The following CA8 variants were observed in gnomAD, a reference collection of about 807,000 sequenced individuals.
CA8 encodes the protein carbonic anhydrase-related protein.
In CA8, 22 loss-of-function variants were observed where a neutral mutation model predicts 41.4. The ratio of observed to expected loss-of-function variants is 0.53; its 90% CI spans 0.38 to 0.76. The LOEUF is 0.76. Ranked by LOEUF, CA8 falls within the 30% of genes least tolerant of loss-of-function variation. The pLI is 0.00. For missense variants in CA8, 270 were observed against 352.8 expected, an observed-to-expected ratio of 0.77 and a Z score of 1.88; for synonymous variants, 121 against 130.6, an observed-to-expected ratio of 0.93 and a Z score of 0.50.
chr8:60,218,490 A>G (rs1226320289), intron 7 of CA8, among the ~76,000 whole-genome samples: 1 of 152,206 alleles, frequency 6.6e-6, no homozygotes, highest in East Asian at 1.9e-4. Flanking sequence ...ACTCCACATC[A>G]GTCTCAAAGG....
chr8:60,243,713 G>C (rs139639544), intron 3 of CA8, among the ~76,000 whole-genome samples: 70 of 152,282 alleles, frequency 4.6e-4, no homozygotes, highest in Admixed American at 2.0e-4. Flanking sequence ...CTCTGCAGCA[G>C]CCGGTAGCCT....
intron 7 of CA8, among the ~76,000 whole-genome samples, chr8:60,212,905 TCTCA>T (rs1806886394): frequency 1.3e-5 from 2 of 152,204 alleles, no homozygotes; most frequent in South Asian, 4.1e-4. Context: ...AAGTTAGTGC[TCTCA>T]CTTTCTTTTA....
At chr8:60,236,466 C>G (rs1249470372) in intron 3 of CA8, among the ~76,000 whole-genome samples, 5 of 152,060 alleles carry the variant, frequency 3.3e-5, no homozygotes, top group Non-Finnish European at 7.4e-5. Flanking sequence ...AGAACCCTGA[C>G]TAATACAGAT....
chr8:60,247,173 A>G (rs989824776), intron 3 of CA8, among the ~76,000 whole-genome samples: 5 of 151,928 alleles, frequency 3.3e-5, no homozygotes, highest in African/African-American at 1.2e-4. Context: ...GTGAGCCACC[A>G]CGCCCAGCCA....
rs375084817 is a variant in CA8, at chr8:60,186,458, TA to T, written c.*3562del. Among the ~76,000 whole-genome samples, 6,880 of 146,766 alleles carry T rather than the reference TA, an allele frequency of 0.047. 194 individuals carry two copies. The highest frequency in any genetic ancestry group is 0.099 in the South Asian group (450 of 4,552). ...ATATACTAGAAAATATTCACCTAAT[TA>T]AAAAAAAAGTAATAGAGGAGGAATA... On this transcript the variant is annotated 3_prime_UTR_variant, in exon 9 of 9. Transcript: ENST00000317995.
At chr8:60,218,960 G>A (rs1212853783) in intron 7 of CA8, among the ~76,000 whole-genome samples, 1 of 151,644 alleles carries the variant, frequency 6.6e-6, no homozygotes. Flanking sequence ...AGCAAGAGAA[G>A]GGACCTGGAG....
At chr8:60,234,859 TC>T (rs1807777306) in intron 3 of CA8, among the ~76,000 whole-genome samples, 1 of 152,122 alleles carries the variant, frequency 6.6e-6, no homozygotes, top group African/African-American at 2.4e-5. Flanking sequence ...CTCTTGAAGG[TC>T]CTTTCTCTCA....
intron 8 of CA8, among the ~76,000 whole-genome samples, chr8:60,192,016 C>T (rs939873893): frequency 6.7e-6 from 1 of 149,562 alleles, no homozygotes; most frequent in Non-Finnish European, 1.5e-5. Flanking sequence ...TGCACACTCA[C>T]TCAGTTAAAA....
At chr8:60,274,156 A>ATT (rs35724309) in intron 2 of CA8, among the ~76,000 whole-genome samples, 65,180 of 150,492 alleles carry the variant, frequency 0.43, 14,396 homozygotes, top group African/African-American at 0.54. Context: ...TCTTGTGTGG[A>ATT]TTTTTTTTTT....
At chr8:60,281,018 C>A (rs1804403080) in intron 1 of CA8, 30 bp downstream of exon 1, 1 of 1,532,288 alleles carries the variant, frequency 6.5e-7, no homozygotes, top group Non-Finnish European at 9.0e-7. Context: ...CGCCGCGGGA[C>A]CCCGGACACC....
At chr8:60,276,794 A>G (rs1804251282) in intron 2 of CA8, among the ~76,000 whole-genome samples, 1 of 152,180 alleles carries the variant, frequency 6.6e-6, no homozygotes, top group African/African-American at 2.4e-5. Context: ...CGATAATACG[A>G]GAGTGAAATC....
intron 8 of CA8, among the ~76,000 whole-genome samples, chr8:60,207,457 G>C (rs1806667892): frequency 6.6e-6 from 1 of 152,108 alleles, no homozygotes; most frequent in South Asian, 2.1e-4. Flanking sequence ...TGGTTGACAG[G>C]CATCTCTCAC....
At chr8:60,278,443 T>C (rs559496628) in intron 2 of CA8, among the ~76,000 whole-genome samples, 1 of 152,362 alleles carries the variant, frequency 6.6e-6, no homozygotes, top group East Asian at 1.9e-4. Context: ...GTTCAAAGCA[T>C]CTCAACACAT....
chr8:60,196,483 A>G (rs1354961776), intron 8 of CA8, among the ~76,000 whole-genome samples: 2 of 152,178 alleles, frequency 1.3e-5, no homozygotes, highest in East Asian at 1.9e-4. Flanking sequence ...CTGACTCCAG[A>G]GACCAAATAT....
At chr8:60,233,286 C>T (rs1178531492) in intron 3 of CA8, among the ~76,000 whole-genome samples, 3 of 152,316 alleles carry the variant, frequency 2.0e-5, no homozygotes, top group Admixed American at 6.5e-5. Context: ...AGCTAAAATT[C>T]AACCACTATT....
chr8:60,225,982 C>T (rs1433831576), intron 5 of CA8, among the ~76,000 whole-genome samples: 2 of 152,140 alleles, frequency 1.3e-5, no homozygotes, highest in Non-Finnish European at 1.5e-5. Context: ...ATTAGCTGGG[C>T]GTGGTGGTGG....
At chr8:60,263,300 C>G (rs979081594) in intron 3 of CA8, among the ~76,000 whole-genome samples, 3 of 142,164 alleles carry the variant, frequency 2.1e-5, no homozygotes, top group African/African-American at 8.1e-5. Flanking sequence ...CTAGCCTGGG[C>G]GACAGGGCAA....
intron 8 of CA8, among the ~76,000 whole-genome samples, chr8:60,203,516 T>A (rs1375691713): frequency 1.3e-5 from 2 of 152,192 alleles, no homozygotes; most frequent in Non-Finnish European, 2.9e-5. Context: ...GTAATCTCAG[T>A]ATAAATCCTA....
intron 7 of CA8, among the ~76,000 whole-genome samples, chr8:60,217,593 C>T (rs933498595): frequency 2.0e-5 from 3 of 152,210 alleles, no homozygotes; most frequent in African/African-American, 7.2e-5. Flanking sequence ...CACCTGTATA[C>T]CATACCCCTT....
Sources: allele counts gnomAD v4.1 joint callset (sites outside exome capture counted in the v4.1 genomes callset), GRCh38; gene constraint gnomAD v4.1.1; transcripts MANE v1.5; gene names NCBI Gene and HGNC (gene_info 2026-07-23, HGNC 2026-07-21).